OPA3: variants seen among roughly 807,000 people sequenced by gnomAD.
The protein encoded by OPA3 is outer mitochondrial membrane lipid metabolism regulator OPA3.
In OPA3, 6 loss-of-function variants were observed where a neutral mutation model predicts 4.0. That is an observed-to-expected ratio of 1.51 (90% CI 0.83 to 2.99). The LOEUF is 2.99. OPA3 is among the 30% of genes most tolerant of loss of function. OPA3 has a pLI of 0.00. For missense variants in OPA3, 235 were observed against 256.2 expected (o/e 0.92, Z 0.56); for synonymous variants, 105 against 117.1 (o/e 0.90, Z 0.67).
At chr19:45,562,887 G>C (rs781154925) in intron 1 of OPA3, among the ~76,000 whole-genome samples, 1 of 152,088 alleles carries the variant, frequency 6.6e-6, no homozygotes, top group Non-Finnish European at 1.5e-5. Context: ...GGAGACTCTG[G>C]GTGAAAGGTA....
Position 45,551,751 on chromosome 19 carries a change from T to A in OPA3, c.*1763A>T. On this transcript the variant is annotated 3_prime_UTR_variant, in exon 2 of 2. Transcript: ENST00000263275. The stretch of plus-strand genomic sequence containing the variant: ...GTAGGATGGGGGTGGGACCGGGGGC[T>A]ATGGAGGCAGGAGGGTACTGCTACA... The A allele has an allele frequency of 2.0e-6, 2 of 985,524 alleles. No homozygotes were observed. The highest frequency in any genetic ancestry group is 2.4e-6 in the Non-Finnish European group (2 of 830,034). 61.0% of individuals were successfully genotyped at this position (985,524 alleles called of 1,614,324 possible). A position where few individuals can be genotyped will look rare whatever the true frequency, so the allele number is the denominator to read the frequency against.
chr19:45,539,809 T>A (rs962727003), intron 1 of OPA3, among the ~76,000 whole-genome samples: 1 of 151,676 alleles, frequency 6.6e-6, no homozygotes, highest in African/African-American at 2.4e-5. Flanking sequence ...ATGCATTGTA[T>A]GACTCCATTT....
At chr19:45,580,177 A>G (rs1969829695) in intron 1 of OPA3, among the ~76,000 whole-genome samples, 1 of 145,088 alleles carries the variant, frequency 6.9e-6, no homozygotes, top group Non-Finnish European at 1.5e-5. Flanking sequence ...TTGTATTTTT[A>G]GTAGAGAAGG....
At chr19:45,532,681 G>C (rs756839142) in intron 1 of OPA3, among the ~76,000 whole-genome samples, 18 of 151,938 alleles carry the variant, frequency 1.2e-4, no homozygotes, top group Non-Finnish European at 2.6e-4. Flanking sequence ...TTTAAAATTT[G>C]ATTATAAAAT....
rs539986269 is a variant in OPA3 at position 45,553,853 on chromosome 19, G to A, written c.201C>T (p.Val67=). Residue 67 remains valine, a synonymous_variant, in exon 2 of 2, where the codon GTC becomes GTT. Coordinates refer to ENST00000263275, the MANE Select transcript of OPA3 (RefSeq NM_025136.4). ...KMRIMGFRGT[V]IKPLNEEAAA... is the part of the protein sequence containing the mutation. ...CCGCCTCCTCGTTCAGCGGCTTGAT[G>A]ACCGTGCCCCGGAAGCCCATGATGC... The A allele has an allele frequency of 1.9e-6, 3 of 1,612,168 alleles. No homozygotes were observed. Among genetic ancestry groups the A allele is most frequent in the African/African-American group, 2.7e-5 (2 of 75,024 alleles).
chr19:45,549,883 C>T lies in OPA3; in HGVS notation c.*3631G>A, dbSNP rs1434142179. ...AACTGAAATGCTGTTTCAGGCCAGG[C>T]GCGGTGGCTCACGCCTGTAATCCCA... On this transcript the variant is annotated 3_prime_UTR_variant, in exon 2 of 2. Coordinates refer to ENST00000263275, the MANE Select transcript of OPA3 (RefSeq NM_025136.4). The T allele has an allele frequency of 1.1e-5, 11 of 985,014 alleles. No homozygotes were observed. The highest frequency in any genetic ancestry group is 8.8e-5 in the African/African-American group (5 of 57,120). The allele number at this position is 985,014 out of a possible 1,614,324, so 61.0% of individuals were successfully genotyped here. A position where few individuals can be genotyped will look rare whatever the true frequency, so the allele number is the denominator to read the frequency against.
In OPA3 at chr19:45,549,342, C is replaced by G. The variant is rs1969298378; in HGVS notation, c.*4172G>C. 4 of 973,336 alleles carry G rather than the reference C, an allele frequency of 4.1e-6. No individual in the cohort carries two copies. Among genetic ancestry groups the G allele is most frequent in the Non-Finnish European group, 4.8e-6 (4 of 827,458 alleles). The allele number at this position is 973,336 out of a possible 1,614,324, so 60.3% of individuals were successfully genotyped here. ...TGGGGGAAGTAGATGGCCCTGCTGC[C>G]CACGATGACTGGCTGCCTGTCAGGG... On this transcript the variant is annotated 3_prime_UTR_variant, in exon 2 of 2. Transcript: ENST00000263275.
intron 1 of OPA3, among the ~76,000 whole-genome samples, chr19:45,570,816 T>C (rs1969651510): frequency 6.6e-6 from 1 of 150,526 alleles, no homozygotes; most frequent in Non-Finnish European, 1.5e-5. Context: ...CGAGCCGAGA[T>C]TGTGCCACTA....
chr19:45,584,236 G>C lies in OPA3; in HGVS notation c.142+387C>G, dbSNP rs1969897848. 4.9e-6 allele frequency: 3 copies of C among 607,760 alleles called. No individual in the cohort carries two copies. The South Asian group carries it at 2.2e-4, about 44-fold the overall frequency. 37.6% of individuals were successfully genotyped at this position (607,760 alleles called of 1,614,324 possible). ...CACACGGTGCCGCTTTTGAAATGAA[G>C]TTGCCCAAGGACAGCCGGGCAAAGG... On this transcript the variant is annotated intron_variant, in intron 1 of 1. Coordinates refer to ENST00000263275, the MANE Select transcript of OPA3 (RefSeq NM_025136.4).
At chr19:45,583,970 G>T (rs1600008866) in intron 1 of OPA3, among the ~76,000 whole-genome samples, 1 of 152,186 alleles carries the variant, frequency 6.6e-6, no homozygotes, top group African/African-American at 2.4e-5. Context: ...GAGCAAAAAG[G>T]CCGCATAGTC....
chr19:45,562,820 A>G (rs2122467729), intron 1 of OPA3, among the ~76,000 whole-genome samples: 1 of 152,328 alleles, frequency 6.6e-6, no homozygotes, highest in South Asian at 2.1e-4. Flanking sequence ...GCTTTATACC[A>G]GTGTTCATTT....
rs981647131 is a variant in OPA3, at chr19:45,549,760, G to A, written c.*3754C>T. The A allele has an allele frequency of 7.0e-5, 69 of 985,366 alleles. No individual in the cohort carries two copies. The highest frequency in any genetic ancestry group is 8.1e-5 in the Non-Finnish European group (67 of 830,014). 61.0% of individuals were successfully genotyped at this position (985,366 alleles called of 1,614,324 possible). On this transcript the variant is annotated 3_prime_UTR_variant, in exon 2 of 2. Transcript: ENST00000263275. ...CTCTCAAAGTGCTGGGATGACAGGC[G>A]TGAGCTGGCCTGGGTCACTCCCAGT... is the stretch of plus-strand genomic sequence containing the variant.
chr19:45,546,061 A>G (rs1191832327), downstream of OPA3, among the ~76,000 whole-genome samples: 1 of 152,054 alleles, frequency 6.6e-6, no homozygotes, highest in Non-Finnish European at 1.5e-5. Context: ...GTTGCCCATC[A>G]CACATAAGAA....
At chr19:45,534,987 T>C (rs551068444) in intron 1 of OPA3, among the ~76,000 whole-genome samples, 8 of 152,146 alleles carry the variant, frequency 5.3e-5, no homozygotes, top group Non-Finnish European at 1.2e-4. Context: ...ATTCAATGAG[T>C]TACTCATTAC....
chr19:45,558,216 C>CA (rs1969449549), intron 1 of OPA3, among the ~76,000 whole-genome samples: 2 of 152,114 alleles, frequency 1.3e-5, no homozygotes, highest in South Asian at 4.1e-4. Context: ...CCTGTAATCC[C>CA]ACCTACTCGG....
intron 1 of OPA3, among the ~76,000 whole-genome samples, chr19:45,574,396 CA>C (rs779877314): frequency 1.6e-3 from 119 of 72,548 alleles, no homozygotes; most frequent in Middle Eastern, 0.014. Flanking sequence ...GACTCTGTCT[CA>C]AAAAAAAAAA....
intron 1 of OPA3, among the ~76,000 whole-genome samples, chr19:45,569,725 C>T (rs1005769014): frequency 5.3e-5 from 8 of 151,990 alleles, no homozygotes; most frequent in Admixed American, 6.6e-5. Context: ...ACCACCCGCC[C>T]CTCCATACAC....
At chr19:45,535,519 G>A (rs1969106104) in intron 1 of OPA3, among the ~76,000 whole-genome samples, 1 of 150,834 alleles carries the variant, frequency 6.6e-6, no homozygotes, top group Admixed American at 6.6e-5. Flanking sequence ...CACCATGCCT[G>A]GCTAATTTTT....
At chr19:45,564,069 C>A (rs1201826619) in intron 1 of OPA3, among the ~76,000 whole-genome samples, 2 of 151,736 alleles carry the variant, frequency 1.3e-5, no homozygotes, top group African/African-American at 4.8e-5. Context: ...TAAGCCTATA[C>A]CTCTGCACCT....
Sources: gnomAD v4.1 joint callset for allele counts (sites outside exome capture counted in the v4.1 genomes callset) on GRCh38, gnomAD v4.1.1 for gene constraint, MANE v1.5 for transcripts, NCBI Gene and HGNC (gene_info 2026-07-23, HGNC 2026-07-21) for gene names.